The following FHDC1 variants were observed in gnomAD, a reference collection of about 807,000 sequenced individuals.
FHDC1 encodes the protein FH2 domain-containing protein 1.
A neutral mutation model predicts 52.6 loss-of-function variants in FHDC1; 25 were observed. The observed-to-expected ratio is 0.48, with a 90% CI of 0.35 to 0.66. The LOEUF (loss-of-function observed/expected upper bound fraction) is 0.66, where lower values mean the gene tolerates loss of function less well. FHDC1 is among the 30% of genes least tolerant of loss of function. The probability of loss-of-function intolerance (pLI) is 0.01; values close to 1 mark genes in which losing one functional copy is unlikely to be tolerated. For missense variants in FHDC1, 1,459 were observed against 1,452.8 expected (o/e 1.00, Z -0.07); for synonymous variants, 616 against 581.5 (o/e 1.06, Z -0.85).
chr4:152,972,690 T>G, intron 11 of FHDC1, 149 bp downstream of exon 11: 1 of 966,610 alleles, frequency 1.0e-6, no homozygotes, highest in Non-Finnish European at 1.5e-6. Context: ...GGCTCTCGGC[T>G]GGGATTGCTG....
At chr4:152,973,478 G>A (rs1740738450) in intron 11 of FHDC1, among the ~76,000 whole-genome samples, 1 of 152,232 alleles carries the variant, frequency 6.6e-6, no homozygotes, top group African/African-American at 2.4e-5. Context: ...AGTGGTGGGT[G>A]TCAAGGCCAA....
Position 152,965,587 on chromosome 4 carries a change from A to G in FHDC1, c.1100+612A>G, listed in dbSNP as rs78745949. 6.3e-3 allele frequency among the ~76,000 whole-genome samples: 965 copies of G among 152,312 alleles called. 7 individuals carry two copies. Among genetic ancestry groups the G allele is most frequent in the African/African-American group, 0.021 (870 of 41,570 alleles). On this transcript the variant is annotated intron_variant, in intron 9 of 11. Coordinates refer to ENST00000511601, the MANE Select transcript of FHDC1 (RefSeq NM_001371116.1). The stretch of plus-strand genomic sequence containing the variant: ...GTATATACTATTTTGACTTTTGTAT[A>G]TGTGTTTTAAAATTTATATTACATC...
the FHDC1 span, among the ~76,000 whole-genome samples, chr4:152,919,292 A>G: frequency 7.2e-5 from 11 of 152,358 alleles, no homozygotes; most frequent in East Asian, 2.1e-3. Context: ...ATGGGGAGAA[A>G]GTCCATACAA....
intron 10 of FHDC1, among the ~76,000 whole-genome samples, chr4:152,970,206 T>C (rs765470403): frequency 1.9e-4 from 29 of 152,202 alleles, no homozygotes; most frequent in Non-Finnish European, 1.6e-4. Flanking sequence ...TATTTCAGCA[T>C]TTTCACCCTT....
At chr4:152,952,083 C>T (rs1739942191) in intron 2 of FHDC1, among the ~76,000 whole-genome samples, 1 of 152,144 alleles carries the variant, frequency 6.6e-6, no homozygotes, top group South Asian at 2.1e-4. Flanking sequence ...GAAATGTATA[C>T]AGCACAAGAT....
At chr4:152,970,789 G>A (rs532116236) in intron 10 of FHDC1, among the ~76,000 whole-genome samples, 2 of 152,250 alleles carry the variant, frequency 1.3e-5, no homozygotes, top group South Asian at 2.1e-4. Context: ...GAGTGTGTTT[G>A]GTTTAAGAGA....
chr4:152,928,243 A>G, the FHDC1 span: 126 of 706,384 alleles, frequency 1.8e-4, 1 homozygote, highest in South Asian at 3.8e-4. Flanking sequence ...CTCCTCCCCA[A>G]TGGTAGATCG....
chr4:152,913,967 T>G, the FHDC1 span, among the ~76,000 whole-genome samples: 1 of 152,192 alleles, frequency 6.6e-6, no homozygotes, highest in Non-Finnish European at 1.5e-5. Flanking sequence ...GTTACAGGTG[T>G]GAGCCACCAC....
chr4:152,935,170 TTACAC>T (rs1302723807), upstream of FHDC1, among the ~76,000 whole-genome samples: 2 of 151,990 alleles, frequency 1.3e-5, no homozygotes, highest in African/African-American at 4.9e-5. Context: ...ATTGGTTTGT[TTACAC>T]TAATAGTTTC....
At chr4:152,963,766 T>TTTG (rs1239614113) in intron 8 of FHDC1, among the ~76,000 whole-genome samples, 2 of 101,262 alleles carry the variant, frequency 2.0e-5, no homozygotes, top group African/African-American at 7.5e-5. Flanking sequence ...TATCCATTGC[T>TTTG]TTGTTTTTTT....
At chr4:152,971,354 G>A (rs1045175356) in intron 10 of FHDC1, among the ~76,000 whole-genome samples, 1 of 152,166 alleles carries the variant, frequency 6.6e-6, no homozygotes, top group African/African-American at 2.4e-5. Flanking sequence ...AGACCCTGCA[G>A]GTCTCAACAT....
intron 10 of FHDC1, among the ~76,000 whole-genome samples, chr4:152,970,230 C>G (rs1194967648): frequency 2.0e-5 from 3 of 152,192 alleles, no homozygotes; most frequent in African/African-American, 7.2e-5. Flanking sequence ...GTAAGAAATA[C>G]TGAGTAAACT....
chr4:152,954,064 G>A (rs1740005218), intron 3 of FHDC1, among the ~76,000 whole-genome samples, 153 bp from the exon 4 acceptor site: 2 of 152,194 alleles, frequency 1.3e-5, no homozygotes, highest in Non-Finnish European at 2.9e-5. Flanking sequence ...TTGAGGCAGT[G>A]GGGCTGTTAT....
At chr4:152,960,336 G>A (rs1001996189) in intron 4 of FHDC1, among the ~76,000 whole-genome samples, 1 of 152,020 alleles carries the variant, frequency 6.6e-6, no homozygotes, top group African/African-American at 2.4e-5. Flanking sequence ...TGTATCTATA[G>A]CTACATAAGT....
chr4:152,949,121 TAATAAGAAGAAGAAGAAGAAG>T (rs1211512381), intron 2 of FHDC1, among the ~76,000 whole-genome samples: 1,664 of 65,406 alleles, frequency 0.025, 13 homozygotes, highest in South Asian at 0.038. Context: ...ATAATAATAA[TAATAAGAAGAAGAAGAAGAAG>T]AAGAAGAAGA....
At chr4:152,945,052 A>T (rs1354067746) in intron 2 of FHDC1, among the ~76,000 whole-genome samples, 2 of 152,230 alleles carry the variant, frequency 1.3e-5, no homozygotes, top group African/African-American at 2.4e-5. Context: ...CCTGTAATAG[A>T]AGAGGGCTAG....
chr4:152,949,115 TAATAATAATAAGAAGAAGAAG>T (rs1447366813), intron 2 of FHDC1, among the ~76,000 whole-genome samples: 2,404 of 76,962 alleles, frequency 0.031, 17 homozygotes, highest in South Asian at 0.05. Flanking sequence ...ATAATAATAA[TAATAATAATAAGAAGAAGAAG>T]AAGAAGAAGA....
the FHDC1 span, among the ~76,000 whole-genome samples, chr4:152,915,647 C>T: frequency 2.2e-4 from 34 of 152,202 alleles, no homozygotes; most frequent in African/African-American, 7.7e-4. Flanking sequence ...CTGTAATGGC[C>T]ATTCTTTCTG....
rs543033549 is a variant in FHDC1, at chr4:152,975,106, G to T, written c.1815G>T (p.Ser605=). Residue 605 remains serine (S), a synonymous_variant, in exon 12 of 12, where the codon TCG becomes TCT. Coordinates refer to ENST00000511601, the MANE Select transcript of FHDC1 (RefSeq NM_001371116.1). ...DSSFAHKPQA[S]GGQEEAPNPP... The stretch of plus-strand genomic sequence containing the variant: ...GCTTTGCACACAAACCTCAGGCCTC[G>T]GGGGGCCAGGAGGAGGCCCCCAACC... The T allele has an allele frequency of 2.5e-6, 4 of 1,612,414 alleles. No individual in the cohort carries two copies. In the South Asian group the frequency reaches 3.3e-5, roughly 13 times the overall value.
Sources: gnomAD v4.1 joint callset for allele counts (sites outside exome capture counted in the v4.1 genomes callset) on GRCh38, gnomAD v4.1.1 for gene constraint, MANE v1.5 for transcripts, NCBI Gene and HGNC (gene_info 2026-07-23, HGNC 2026-07-21) for gene names.